MACROH2A1: variants seen among roughly 807,000 people sequenced by gnomAD.
MACROH2A1 encodes the protein core histone macro-H2A.1.
A neutral mutation model predicts 31.6 loss-of-function variants in MACROH2A1; 2 were observed. The observed-to-expected ratio is 0.06, with a 90% CI of 0.03 to 0.20. The LOEUF is 0.20. MACROH2A1 is among the 10% of genes least tolerant of loss of function. The pLI is 1.00. For synonymous variants in MACROH2A1, 169 were observed against 189.6 expected, an observed-to-expected ratio of 0.89 and a Z score of 0.89; for missense variants, 230 against 474.0, an observed-to-expected ratio of 0.49 and a Z score of 4.78.
intron 8 of MACROH2A1, 37 bp from the exon 9 acceptor site, chr5:135,335,178 GC>G: frequency 6.4e-7 from 1 of 1,563,354 alleles, no homozygotes; most frequent in Non-Finnish European, 8.8e-7. Context: ...CAACTGGGAT[GC>G]CACGGGGGCT....
intron 2 of MACROH2A1, among the ~76,000 whole-genome samples, 174 bp from the exon 3 acceptor site, chr5:135,370,316 G>C (rs774507370): frequency 6.6e-5 from 10 of 152,218 alleles, no homozygotes; most frequent in Non-Finnish European, 1.5e-4. Flanking sequence ...AAGCTGAGTG[G>C]GACCTAGGAA....
At chr5:135,399,697 G>C (rs1460304150), upstream of MACROH2A1, 2 of 152,280 alleles carry the variant, frequency 1.3e-5, no homozygotes, top group Non-Finnish European at 2.9e-5. This position sits in a 1 kb window ranked among gnomAD's most constrained non-coding sequence, Gnocchi z 4.5. Flanking sequence ...GCTGTCTTTA[G>C]ATACAGGCCA....
At position 135,369,789 on chromosome 5, in the gene MACROH2A1, C is replaced by A. The variant is rs1370443995; in HGVS notation, c.280-186G>T. Among the ~76,000 whole-genome samples the A allele has an allele frequency of 1.3e-5, 2 of 152,182 alleles. No individual in the cohort carries two copies. Among genetic ancestry groups the A allele is most frequent in the African/African-American group, 4.8e-5 (2 of 41,444 alleles). ...GGGATCCAGTCCCCAGAGTCCCTCACTCAAATGGAATTTAGATCATCTCTC... is the reference window on the plus strand; with the variant it reads ...GGGATCCAGTCCCCAGAGTCCCTCAATCAAATGGAATTTAGATCATCTCTC... On this transcript the variant is annotated intron_variant, in intron 3 of 8. Transcript: ENST00000511689. This position sits in a 1 kb window ranked among gnomAD's most constrained non-coding sequence, Gnocchi z 4.3.
chr5:135,369,706 C>T lies in MACROH2A1; in HGVS notation c.280-103G>A. Reference sequence around the variant, plus strand: ...ACAGTCTTGCTTTGGGTTGGTGCAGCTCCTTCCTCCATGGCATCCTCCATG... The same window carrying T: ...ACAGTCTTGCTTTGGGTTGGTGCAGTTCCTTCCTCCATGGCATCCTCCATG... On this transcript the variant is annotated intron_variant, in intron 3 of 8. Coordinates refer to ENST00000511689, the MANE Select transcript of MACROH2A1 (RefSeq NM_138610.3). This position sits in a 1 kb window ranked among gnomAD's most constrained non-coding sequence, Gnocchi z 4.3. 1.2e-6 allele frequency: 1 copy of T among 858,470 alleles called. No individual in the cohort carries two copies. The highest frequency in any genetic ancestry group is 1.9e-6 in the Non-Finnish European group (1 of 532,802). 53.2% of individuals were successfully genotyped at this position (858,470 alleles called of 1,614,324 possible).
chr5:135,360,794 TAA>T, intron 4 of MACROH2A1, 187 bp from the exon 5 acceptor site: 1 of 698,278 alleles, frequency 1.4e-6, no homozygotes, highest in Non-Finnish European at 2.6e-6. Context: ...TGGAGTGTGT[TAA>T]GTTATATGTT....
intron 2 of MACROH2A1, among the ~76,000 whole-genome samples, chr5:135,373,993 C>T (rs1434585944): frequency 1.3e-5 from 2 of 152,176 alleles, no homozygotes; most frequent in Admixed American, 6.5e-5. Flanking sequence ...CTCAGAAACA[C>T]ACCTTTTATG....
In MACROH2A1 at chr5:135,347,148, G is replaced by A. The variant is rs529421618; in HGVS notation, c.689-1091C>T. ...TGGTATGGGACGGTCAAGGTGCATCGGAATGCACCAGCCCAAATTCTCTTT... is the reference window on the plus strand; with the variant it reads ...TGGTATGGGACGGTCAAGGTGCATCAGAATGCACCAGCCCAAATTCTCTTT... On this transcript the variant is annotated intron_variant, in intron 6 of 8. Transcript: ENST00000511689. 8 of 152,334 alleles carry A rather than the reference G, an allele frequency of 5.3e-5. No homozygotes were observed. In the South Asian group the frequency reaches 1.0e-3, roughly 20 times the overall value. The allele number at this position is 152,334 out of a possible 1,614,324, so 9.4% of individuals were successfully genotyped here. A position where few individuals can be genotyped will look rare whatever the true frequency, so the allele number is the denominator to read the frequency against.
rs550396322 is a variant in MACROH2A1 at position 135,337,836 on chromosome 5, C to G, written c.954-2695G>C. On this transcript the variant is annotated intron_variant, in intron 8 of 8. Transcript: ENST00000511689. ...GACGGTTCCACCGGAATGTCCCTGG[C>G]CTTGCAAGCATTTCAGGGTTGTTGG... 847 of 526,962 alleles carry G rather than the reference C, an allele frequency of 1.6e-3. 2 individuals are homozygous for G. Among genetic ancestry groups the G allele is most frequent in the Non-Finnish European group, 1.8e-3 (718 of 396,074 alleles). 32.6% of individuals were successfully genotyped at this position (526,962 alleles called of 1,614,324 possible). A position where few individuals can be genotyped will look rare whatever the true frequency, so the allele number is the denominator to read the frequency against.
intron 2 of MACROH2A1, among the ~76,000 whole-genome samples, chr5:135,371,873 GAAGA>G (rs1272072606): frequency 6.6e-6 from 1 of 152,108 alleles, no homozygotes; most frequent in Non-Finnish European, 1.5e-5. Context: ...AAATAACTAG[GAAGA>G]AAATTCTAGC....
intron 4 of MACROH2A1, among the ~76,000 whole-genome samples, chr5:135,363,934 G>C (rs936674050): frequency 1.3e-5 from 2 of 152,182 alleles, no homozygotes; most frequent in Non-Finnish European, 2.9e-5. Context: ...GTGATGATGA[G>C]CATTTTTTCA....
intron 4 of MACROH2A1, among the ~76,000 whole-genome samples, chr5:135,365,010 GA>G (rs1409605745): frequency 6.6e-6 from 1 of 152,060 alleles, no homozygotes; most frequent in African/African-American, 2.4e-5. Context: ...GTTTGTGTTT[GA>G]AAAAATCCCT....
chr5:135,379,631 AAGC>A (rs1765383798), intron 2 of MACROH2A1, among the ~76,000 whole-genome samples: 1 of 152,146 alleles, frequency 6.6e-6, no homozygotes, highest in East Asian at 1.9e-4. Flanking sequence ...AGGCAGGAGA[AAGC>A]AAGCAGAAAC....
chr5:135,337,510 AC>A (rs1473845371), intron 8 of MACROH2A1, among the ~76,000 whole-genome samples: 2 of 152,272 alleles, frequency 1.3e-5, no homozygotes, highest in Admixed American at 6.5e-5. Flanking sequence ...TTGGACCCTT[AC>A]AAAAGAGTAT....
intron 8 of MACROH2A1, among the ~76,000 whole-genome samples, chr5:135,341,809 C>G (rs552071300): frequency 2.8e-4 from 43 of 152,364 alleles, no homozygotes; most frequent in African/African-American, 1.0e-3. Flanking sequence ...GCTGTCAGTT[C>G]AGGACATGGT....
At chr5:135,395,002 C>T (rs1767770082) in intron 1 of MACROH2A1, among the ~76,000 whole-genome samples, 1 of 152,106 alleles carries the variant, frequency 6.6e-6, no homozygotes, top group African/African-American at 2.4e-5. Context: ...TGGCAAAATC[C>T]CTATAGGAGC....
rs553290216 is a variant in MACROH2A1 at position 135,362,618 on chromosome 5, G to GA, written c.478-2012dup. On this transcript the variant is annotated intron_variant, in intron 4 of 8. Coordinates refer to ENST00000511689, the MANE Select transcript of MACROH2A1 (RefSeq NM_138610.3). ...TGAGGATACCTGAACTAGTTAGGGG[G>GA]AAAAAATCCACCCAGCCCATTACAA... 18 of 152,120 alleles carry GA rather than the reference G, an allele frequency of 1.2e-4. No homozygotes were observed. In the South Asian group the frequency reaches 3.7e-3, roughly 32 times the overall value. The allele number at this position is 152,120 out of a possible 1,614,324, so 9.4% of individuals were successfully genotyped here.
intron 4 of MACROH2A1, among the ~76,000 whole-genome samples, chr5:135,367,095 C>G (rs1392255564): frequency 6.6e-6 from 1 of 152,224 alleles, no homozygotes; most frequent in Non-Finnish European, 1.5e-5. Context: ...AATACCAACT[C>G]TCACTACAAG....
chr5:135,394,452 T>C (rs1196753364), intron 1 of MACROH2A1, among the ~76,000 whole-genome samples: 2 of 152,084 alleles, frequency 1.3e-5, no homozygotes, highest in African/African-American at 4.8e-5. Flanking sequence ...ATCTCTCTAT[T>C]TGCAACAACC....
At chr5:135,352,118 G>T (rs192160542) in intron 6 of MACROH2A1, among the ~76,000 whole-genome samples, 2 of 152,172 alleles carry the variant, frequency 1.3e-5, no homozygotes, top group African/African-American at 4.8e-5. Context: ...GAGCTCAAGG[G>T]ATACAAAATA....
Sources: gnomAD v4.1 joint callset for allele counts (sites outside exome capture counted in the v4.1 genomes callset) on GRCh38, gnomAD v4.1.1 for gene constraint, Gnocchi (gnomAD v3.1) non-coding constraint, MANE v1.5 for transcripts, NCBI Gene and HGNC (gene_info 2026-07-23, HGNC 2026-07-21) for gene names.